CDH13: variants seen among roughly 807,000 people sequenced by gnomAD.
CDH13 encodes the protein cadherin-13.
Under a neutral mutation model 63.8 loss-of-function variants are expected in CDH13, and 24 were observed. The observed-to-expected ratio is 0.38, with a 90% confidence interval of 0.27 to 0.53. The LOEUF (loss-of-function observed/expected upper bound fraction) is 0.53, where lower values mean the gene tolerates loss of function less well. Among genes scored for constraint, CDH13 ranks in the 20% least tolerant of loss-of-function variants. The pLI is 0.85. For synonymous variants in CDH13, 503 were observed against 355.3 expected (o/e 1.42, Z -4.67); for missense variants, 1,049 against 903.1 (o/e 1.16, Z -2.07).
chr16:83,360,566 A>G (rs2091142741), intron 6 of CDH13, among the ~76,000 whole-genome samples: 1 of 152,074 alleles, frequency 6.6e-6, no homozygotes, highest in South Asian at 2.1e-4. Flanking sequence ...TCTGTCACCC[A>G]GGTAGCACCA....
intron 7 of CDH13, among the ~76,000 whole-genome samples, chr16:83,501,952 C>G (rs958837935): frequency 6.6e-6 from 1 of 152,180 alleles, no homozygotes; most frequent in African/African-American, 2.4e-5. Context: ...AGAGCTTGGG[C>G]TTAGGAATTC....
intron 7 of CDH13, among the ~76,000 whole-genome samples, chr16:83,565,865 G>C (rs1904276668): frequency 6.6e-6 from 1 of 152,052 alleles, no homozygotes; most frequent in African/African-American, 2.4e-5. Flanking sequence ...TGTGATAACT[G>C]ATTTATTCTT....
At chr16:83,312,066 C>CAAAAA (rs5818437) in intron 5 of CDH13, among the ~76,000 whole-genome samples, 1 of 94,928 alleles carries the variant, frequency 1.1e-5, no homozygotes, top group Non-Finnish European at 2.1e-5. Context: ...AACTCCATCT[C>CAAAAA]AAAAAAAAAA....
intron 2 of CDH13, among the ~76,000 whole-genome samples, chr16:82,968,345 T>A (rs940193997): frequency 1.1e-4 from 17 of 152,216 alleles, no homozygotes; most frequent in African/African-American, 3.9e-4. Context: ...ATGTGTAATT[T>A]TCCAAGAAGG....
Position 82,629,709 on chromosome 16 carries a change from G to C in CDH13, c.45+2572G>C, listed in dbSNP as rs142607168. ...CTTGGTTGTTGTTTTAGGCATTTTG[G>C]TAGGAGGTGAGGAATTCTAAGCAAC... On this transcript the variant is annotated intron_variant, in intron 1 of 13. Coordinates refer to ENST00000567109, the MANE Select transcript of CDH13 (RefSeq NM_001257.5). Among the ~76,000 whole-genome samples the C allele has an allele frequency of 4.7e-3, 715 of 152,308 alleles. 3 individuals carry two copies. The highest frequency in any genetic ancestry group is 0.016 in the South Asian group (78 of 4,824).
chr16:83,675,601 A>G (rs532570855), intron 9 of CDH13, among the ~76,000 whole-genome samples: 1 of 152,270 alleles, frequency 6.6e-6, no homozygotes, highest in East Asian at 1.9e-4. Flanking sequence ...GCCTAGCTCC[A>G]TGGGAAATAT....
At chr16:82,871,792 C>T (rs1038290457) in intron 2 of CDH13, among the ~76,000 whole-genome samples, 3 of 152,170 alleles carry the variant, frequency 2.0e-5, no homozygotes, top group African/African-American at 7.2e-5. Flanking sequence ...CTTCATCCCC[C>T]AGCTTTGCTT....
At chr16:83,034,158 AC>A (rs1262033775) in intron 3 of CDH13, among the ~76,000 whole-genome samples, 2 of 151,912 alleles carry the variant, frequency 1.3e-5, no homozygotes, top group African/African-American at 4.8e-5. Context: ...CTCATGTGCC[AC>A]CCTACTGTCA....
chr16:83,524,123 G>A (rs926869440), intron 7 of CDH13, among the ~76,000 whole-genome samples: 1 of 152,162 alleles, frequency 6.6e-6, no homozygotes, highest in Non-Finnish European at 1.5e-5. Context: ...TATCTGTCAC[G>A]ACCTTACCAT....
chr16:82,837,204 G>T (rs184313228), intron 1 of CDH13, among the ~76,000 whole-genome samples: 1 of 152,276 alleles, frequency 6.6e-6, no homozygotes, highest in East Asian at 1.9e-4. Context: ...CAGGCTCAGC[G>T]GGGTGACCTC....
chr16:82,870,177 C>T (rs1311147065), intron 2 of CDH13, among the ~76,000 whole-genome samples: 1 of 151,988 alleles, frequency 6.6e-6, no homozygotes, highest in Non-Finnish European at 1.5e-5. Context: ...TGACGTTTCT[C>T]AAAGGAAGAC....
chr16:82,826,048 G>A (rs922836842), intron 1 of CDH13: 1 of 151,830 alleles, frequency 6.6e-6, no homozygotes, highest in South Asian at 2.1e-4. Flanking sequence ...GTAGAGTCGG[G>A]GTTTCACCAT....
At position 83,186,227 on chromosome 16, in the gene CDH13, C is replaced by A. The variant is rs996768181; in HGVS notation, c.484-31118C>A. On this transcript the variant is annotated intron_variant, in intron 4 of 13. Transcript: ENST00000567109. Reference sequence around the variant, plus strand: ...TCGGATCACTGCAGCCAACCTCCGCCTCCTGGGTTCAAGCAATTCTCCCGA... The same window carrying A: ...TCGGATCACTGCAGCCAACCTCCGCATCCTGGGTTCAAGCAATTCTCCCGA... Among the ~76,000 whole-genome samples the A allele has an allele frequency of 7.9e-5, 12 of 151,866 alleles. No homozygotes were observed. The East Asian group carries it at 2.3e-3, about 30-fold the overall frequency.
intron 7 of CDH13, among the ~76,000 whole-genome samples, chr16:83,549,441 C>T (rs1365045755): frequency 1.3e-5 from 2 of 152,148 alleles, no homozygotes; most frequent in South Asian, 2.1e-4. Context: ...TCAAGGGGAA[C>T]GTGGTAGAGG....
intron 2 of CDH13, among the ~76,000 whole-genome samples, chr16:83,000,163 A>C (rs1315495140): frequency 7.1e-6 from 1 of 139,996 alleles, no homozygotes; most frequent in Non-Finnish European, 1.5e-5. Flanking sequence ...TCATTTTTAC[A>C]TCTTATTGGG....
chr16:83,234,085 G>C (rs756114537), intron 5 of CDH13, among the ~76,000 whole-genome samples: 1 of 152,198 alleles, frequency 6.6e-6, no homozygotes, highest in South Asian at 2.1e-4. Context: ...GGTGACGGCC[G>C]GAAGGAGAAG....
intron 7 of CDH13, among the ~76,000 whole-genome samples, chr16:83,580,110 A>G (rs922789887): frequency 2.0e-5 from 3 of 152,042 alleles, no homozygotes; most frequent in Non-Finnish European, 2.9e-5. Context: ...ACAGATCTCC[A>G]AGGGCCTATG....
chr16:82,821,526 C>G (rs2037999812), intron 1 of CDH13, among the ~76,000 whole-genome samples: 1 of 152,134 alleles, frequency 6.6e-6, no homozygotes, highest in African/African-American at 2.4e-5. Context: ...TTGGTTAGAG[C>G]CTTGACCATT....
chr16:82,739,020 C>A (rs1395616267), intron 1 of CDH13, among the ~76,000 whole-genome samples: 1 of 152,178 alleles, frequency 6.6e-6, no homozygotes, highest in East Asian at 1.9e-4. Context: ...GAGCAAGATA[C>A]GTTTTTTATT....
Sources: allele counts gnomAD v4.1 joint callset (sites outside exome capture counted in the v4.1 genomes callset), GRCh38; gene constraint gnomAD v4.1.1; transcripts MANE v1.5; gene names NCBI Gene and HGNC (gene_info 2026-07-23, HGNC 2026-07-21).